NUSAP1: variants seen among roughly 807,000 people sequenced by gnomAD.
The protein encoded by NUSAP1 is nucleolar and spindle-associated protein 1.
In NUSAP1, 32 loss-of-function variants were observed where a neutral mutation model predicts 52.8. That is an observed-to-expected ratio of 0.61 (90% CI 0.46 to 0.81). NUSAP1 has a LOEUF of 0.81. Among genes scored for constraint, NUSAP1 ranks in the 40% least tolerant of loss-of-function variants. The probability of loss-of-function intolerance (pLI) is 0.00; values close to 1 mark genes in which losing one functional copy is unlikely to be tolerated. For missense variants in NUSAP1, 499 were observed against 522.3 expected (o/e 0.96, Z 0.43); for synonymous variants, 195 against 183.1 (o/e 1.06, Z -0.52).
chr15:41,371,598 A>C lies in NUSAP1; in HGVS notation c.920A>C (p.His307Pro). Residue 307 changes from histidine (H) to proline (P), a missense_variant, in exon 8 of 11, where the codon CAT (histidine) becomes CCT (proline). By Grantham distance (77) the His-to-Pro change is moderately conservative. Coordinates refer to ENST00000559596, the MANE Select transcript of NUSAP1 (RefSeq NM_016359.5). ...AAGACTCCAGCCAGAAAGTCTGCAC[A>C]TGTGACCGTGTCTGGGGGCACCCCA... ...LTKTPARKSA[H>P]VTVSGGTPKG... 1.9e-6 allele frequency: 3 copies of C among 1,612,262 alleles called. No individual in the cohort carries two copies. The highest frequency in any genetic ancestry group is 8.5e-7 in the Non-Finnish European group (1 of 1,179,470).
intron 2 of NUSAP1, among the ~76,000 whole-genome samples, chr15:41,347,737 C>A (rs2048629149): frequency 6.6e-6 from 1 of 151,656 alleles, no homozygotes; most frequent in African/African-American, 2.4e-5. Flanking sequence ...TGGCATGAAC[C>A]CAGGAGGTGG....
Position 41,356,974 on chromosome 15 carries a change from C to T in NUSAP1, c.550+834C>T, listed in dbSNP as rs573212190. The stretch of plus-strand genomic sequence containing the variant: ...TTCAATAAATGTTCATATACTTAAT[C>T]AGAATAGGATACAGTTGGGGTCAGC... On this transcript the variant is annotated intron_variant, in intron 5 of 10. Transcript: ENST00000559596. Among the ~76,000 whole-genome samples, 6 of 152,260 alleles carry T rather than the reference C, an allele frequency of 3.9e-5. No individual in the cohort carries two copies. In the South Asian group the frequency reaches 1.2e-3, roughly 32 times the overall value.
chr15:41,333,020 C>G lies in NUSAP1; in HGVS notation c.63C>G (p.Ala21=). ...AGTACAGTGACCTGCAGAACTTAGCCAAGAGTCTGGGTCTCCGGGCCAACC... is the reference window on the plus strand; with the variant it reads ...AGTACAGTGACCTGCAGAACTTAGCGAAGAGTCTGGGTCTCCGGGCCAACC... ...SLKYSDLQNL[A]KSLGLRANLR... is the part of the protein sequence containing the mutation. Residue 21 remains alanine (A), a synonymous_variant, in exon 1 of 11, where the codon GCC becomes GCG. Coordinates refer to ENST00000559596, the MANE Select transcript of NUSAP1 (RefSeq NM_016359.5). 1.2e-6 allele frequency: 2 copies of G among 1,611,718 alleles called. No homozygotes were observed. Among genetic ancestry groups the G allele is most frequent in the East Asian group, 2.2e-5 (1 of 44,834 alleles).
intron 6 of NUSAP1, among the ~76,000 whole-genome samples, chr15:41,362,585 C>T (rs139742450): frequency 0.015 from 2,327 of 151,562 alleles, 67 homozygotes; most frequent in African/African-American, 0.054. Context: ...CCACCACACC[C>T]GGCTAATTTT....
At chr15:41,358,095 A>G in intron 5 of NUSAP1, 54 bp from the exon 6 acceptor site, 1 of 773,696 alleles carries the variant, frequency 1.3e-6, no homozygotes, top group African/African-American at 1.8e-5. Flanking sequence ...AACACAGAGA[A>G]GATAAATAAA....
At chr15:41,368,568 G>A (rs986558895) in intron 7 of NUSAP1, among the ~76,000 whole-genome samples, 2 of 151,964 alleles carry the variant, frequency 1.3e-5, no homozygotes, top group Admixed American at 6.6e-5. Context: ...CACCTTCAGT[G>A]GGACTTTCCC....
intron 1 of NUSAP1, among the ~76,000 whole-genome samples, chr15:41,337,638 G>A (rs1483361845): frequency 6.6e-6 from 1 of 152,064 alleles, no homozygotes; most frequent in East Asian, 1.9e-4. Context: ...GCTTTATTAA[G>A]GTCGCCATCT....
chr15:41,365,704 G>GTTTCT (rs1220032352), intron 7 of NUSAP1, 115 bp downstream of exon 7: 4 of 601,786 alleles, frequency 6.6e-6, no homozygotes, highest in Non-Finnish European at 1.0e-5. Flanking sequence ...ACATAGTGAT[G>GTTTCT]TTTCTTTTCT....
rs1187469450 is a variant in NUSAP1 at position 41,378,944 on chromosome 15, GTTTTTTT to G, written c.1233-1128_1233-1122del. On this transcript the variant is annotated intron_variant, in intron 10 of 10. Transcript: ENST00000559596. ...CCCAAGATTATATTAACTTATCTTGGTTTTTTTTTTTTTTTTTTTTTTTTTTTGAGAT... is the reference window on the plus strand; with the variant it reads ...CCCAAGATTATATTAACTTATCTTGGTTTTTTTTTTTTTTTTTTTTGAGAT... Among the ~76,000 whole-genome samples, 98 of 63,256 alleles carry G rather than the reference GTTTTTTT, an allele frequency of 1.5e-3. 2 individuals are homozygous for G. In the South Asian group the frequency reaches 0.041, roughly 26 times the overall value. 41.5% of individuals were successfully genotyped at this position (63,256 alleles called of 152,430 possible).
chr15:41,347,017 C>T (rs923415939), intron 2 of NUSAP1, among the ~76,000 whole-genome samples: 1 of 151,866 alleles, frequency 6.6e-6, no homozygotes, highest in Admixed American at 6.6e-5. Context: ...TACTAAAATA[C>T]AAAAATTAGC....
At chr15:41,342,222 G>C (rs2048389725) in intron 1 of NUSAP1, among the ~76,000 whole-genome samples, 164 bp from the exon 2 acceptor site, 1 of 152,142 alleles carries the variant, frequency 6.6e-6, no homozygotes, top group Non-Finnish European at 1.5e-5. Flanking sequence ...TTCCCACTCA[G>C]ATGTGAAATT....
intron 1 of NUSAP1, among the ~76,000 whole-genome samples, chr15:41,333,921 A>G (rs1471433143): frequency 1.3e-5 from 2 of 152,194 alleles, no homozygotes; most frequent in Non-Finnish European, 2.9e-5. Context: ...CAAACAAAAC[A>G]AAAACAAACA....
At chr15:41,368,358 C>G (rs2049506352) in intron 7 of NUSAP1, among the ~76,000 whole-genome samples, 1 of 152,090 alleles carries the variant, frequency 6.6e-6, no homozygotes, top group Non-Finnish European at 1.5e-5. Context: ...GCCAAGATGC[C>G]TAAGGAGAAA....
chr15:41,361,303 G>A (rs2049166718), intron 6 of NUSAP1, among the ~76,000 whole-genome samples: 1 of 151,776 alleles, frequency 6.6e-6, no homozygotes, highest in African/African-American at 2.4e-5. Flanking sequence ...TGAGGCAGGA[G>A]AATTGCTTGA....
intron 1 of NUSAP1, among the ~76,000 whole-genome samples, chr15:41,335,364 C>G (rs1334401875): frequency 7.4e-6 from 1 of 135,370 alleles, no homozygotes; most frequent in Non-Finnish European, 1.5e-5. Flanking sequence ...CTAAAATAAA[C>G]TAAATATATA....
At chr15:41,375,994 A>C (rs1275675329) in intron 9 of NUSAP1, among the ~76,000 whole-genome samples, 166 bp downstream of exon 9, 2 of 152,178 alleles carry the variant, frequency 1.3e-5, no homozygotes, top group Non-Finnish European at 2.9e-5. Flanking sequence ...TGAACCTGTT[A>C]GGTGGAGGTT....
At chr15:41,369,209 C>T (rs928837666) in intron 7 of NUSAP1, among the ~76,000 whole-genome samples, 3 of 152,114 alleles carry the variant, frequency 2.0e-5, no homozygotes, top group Non-Finnish European at 4.4e-5. Context: ...TCTCACCCAG[C>T]CTGCCCATGT....
chr15:41,377,672 C>A (rs1283146525), intron 10 of NUSAP1, among the ~76,000 whole-genome samples: 3 of 141,876 alleles, frequency 2.1e-5, no homozygotes, highest in East Asian at 2.1e-4. Flanking sequence ...GCACTCTAGC[C>A]TGCGTGACAG....
intron 7 of NUSAP1, among the ~76,000 whole-genome samples, chr15:41,369,781 A>T (rs1043430457): frequency 2.6e-5 from 4 of 151,986 alleles, no homozygotes; most frequent in African/African-American, 9.7e-5. Context: ...CATTAAGACA[A>T]ATTAGACCAG....
Sources: gnomAD v4.1 joint callset for allele counts (sites outside exome capture counted in the v4.1 genomes callset) on GRCh38, gnomAD v4.1.1 for gene constraint, MANE v1.5 for transcripts, NCBI Gene and HGNC (gene_info 2026-07-23, HGNC 2026-07-21) for gene names.